The following LDAH variants were observed in gnomAD, a reference collection of about 807,000 sequenced individuals.
The protein encoded by LDAH is lipid droplet associated hydrolase.
Under a neutral mutation model 29.6 loss-of-function variants are expected in LDAH, and 26 were observed. The observed-to-expected ratio is 0.88, with a 90% CI of 0.64 to 1.22. The LOEUF (loss-of-function observed/expected upper bound fraction) is 1.22, where lower values mean the gene tolerates loss of function less well. Ranked by LOEUF, LDAH falls within the 50% of genes most tolerant of loss-of-function variation. LDAH has a pLI of 0.00. For missense variants in LDAH, 344 were observed against 387.3 expected (o/e 0.89, Z 0.94); for synonymous variants, 117 against 133.0 (o/e 0.88, Z 0.83).
intron 1 of LDAH, among the ~76,000 whole-genome samples, chr2:20,806,551 C>T (rs980124642): frequency 3.3e-5 from 5 of 151,820 alleles, no homozygotes; most frequent in African/African-American, 9.7e-5. Flanking sequence ...GCCTAGAAGC[C>T]AACATAAACA....
At chr2:20,739,858 A>G (rs1027481862) in intron 5 of LDAH, 113 bp downstream of exon 5, 6 of 687,324 alleles carry the variant, frequency 8.7e-6, no homozygotes, top group African/African-American at 7.3e-5. Flanking sequence ...TTGGAAGAGG[A>G]AAAAAAAACT....
intron 4 of LDAH, among the ~76,000 whole-genome samples, chr2:20,754,474 G>A (rs1668181481): frequency 8.5e-6 from 1 of 117,272 alleles, no homozygotes; most frequent in African/African-American, 3.5e-5. Context: ...CTGGGTGACA[G>A]AGCAAGACTC....
At chr2:20,815,102 A>G (rs1224426553) in intron 1 of LDAH, among the ~76,000 whole-genome samples, 1 of 152,192 alleles carries the variant, frequency 6.6e-6, no homozygotes, top group African/African-American at 2.4e-5. Context: ...TGTTTTAAAA[A>G]GTAAGAACCA....
chr2:20,789,645 T>C (rs933158615), intron 3 of LDAH, among the ~76,000 whole-genome samples: 1 of 152,078 alleles, frequency 6.6e-6, no homozygotes, highest in African/African-American at 2.4e-5. Flanking sequence ...GTAAAGAACA[T>C]GGTTTATAAA....
chr2:20,763,524 G>A (rs1668826176), intron 4 of LDAH, among the ~76,000 whole-genome samples: 1 of 152,168 alleles, frequency 6.6e-6, no homozygotes, highest in African/African-American at 2.4e-5. Context: ...GAGACATGTT[G>A]GCTTATTCAA....
chr2:20,802,131 C>T (rs1197951026), intron 1 of LDAH, among the ~76,000 whole-genome samples: 1 of 151,894 alleles, frequency 6.6e-6, no homozygotes, highest in Non-Finnish European at 1.5e-5. Flanking sequence ...ATGATCTTGG[C>T]TCACTGCAAA....
intron 4 of LDAH, among the ~76,000 whole-genome samples, chr2:20,754,189 A>G (rs996247858): frequency 6.6e-6 from 1 of 152,126 alleles, no homozygotes; most frequent in Non-Finnish European, 1.5e-5. Flanking sequence ...CATTGCTAAG[A>G]AAAAGTAAAG....
At chr2:20,734,792 T>G (rs2149429967) in intron 5 of LDAH, among the ~76,000 whole-genome samples, 1 of 152,360 alleles carries the variant, frequency 6.6e-6, no homozygotes, top group Non-Finnish European at 1.5e-5. Context: ...TTGAGAGAAC[T>G]TCCTGCAGTT....
intron 4 of LDAH, among the ~76,000 whole-genome samples, chr2:20,764,923 T>C (rs192346421): frequency 6.6e-6 from 1 of 152,334 alleles, no homozygotes; most frequent in East Asian, 1.9e-4. Flanking sequence ...CCTTGTTACA[T>C]GTGAACACGT....
At position 20,685,594 on chromosome 2, in the gene LDAH, T is replaced by G. The variant is rs1009759678; in HGVS notation, c.*1309A>C. On this transcript the variant is annotated 3_prime_UTR_variant, in exon 7 of 7. Transcript: ENST00000237822. ...AGCCAAATCTTTCATCAGGGGGCTT[T>G]AGGATTTGAGCGGAGGGACATCTCA... The G allele has an allele frequency of 1.8e-5, 28 of 1,550,350 alleles. No individual in the cohort carries two copies. In the Admixed American group the frequency reaches 5.5e-4, roughly 30 times the overall value.
chr2:20,763,389 T>G (rs1397449881), intron 4 of LDAH, among the ~76,000 whole-genome samples: 2 of 152,208 alleles, frequency 1.3e-5, no homozygotes, highest in African/African-American at 4.8e-5. Context: ...TTCTCAAACT[T>G]AAGCATGTAC....
At chr2:20,754,315 C>T (rs1300475810) in intron 4 of LDAH, among the ~76,000 whole-genome samples, 2 of 151,254 alleles carry the variant, frequency 1.3e-5, no homozygotes, top group African/African-American at 2.4e-5. Context: ...CGGTGAAACC[C>T]GTCTCTACTA....
intron 4 of LDAH, among the ~76,000 whole-genome samples, chr2:20,768,882 C>T (rs1572588098): frequency 6.6e-6 from 1 of 152,176 alleles, no homozygotes; most frequent in East Asian, 1.9e-4. Flanking sequence ...TTATGCTGCA[C>T]TTTTTCTATC....
At chr2:20,807,748 T>G (rs1189637642) in intron 1 of LDAH, among the ~76,000 whole-genome samples, 1 of 151,870 alleles carries the variant, frequency 6.6e-6, no homozygotes, top group Non-Finnish European at 1.5e-5. Context: ...CAGTAAATGT[T>G]TACTAAGGGT....
intron 4 of LDAH, among the ~76,000 whole-genome samples, chr2:20,745,734 A>G (rs1425685150): frequency 6.6e-6 from 1 of 152,220 alleles, no homozygotes; most frequent in Admixed American, 6.5e-5. Flanking sequence ...TATGTTAATT[A>G]GCTGTAATAC....
Position 20,775,958 on chromosome 2 carries a change from T to C in LDAH, c.299-979A>G, listed in dbSNP as rs112016654. 4.4e-3 allele frequency among the ~76,000 whole-genome samples: 666 copies of C among 152,300 alleles called. 7 individuals are homozygous for C. Among genetic ancestry groups the C allele is most frequent in the African/African-American group, 0.015 (628 of 41,570 alleles). The stretch of plus-strand genomic sequence containing the variant: ...TGAATGAAAACTGGAACTGACTAGA[T>C]GATCTCTGAGGATGCTGGCCACTCT... On this transcript the variant is annotated intron_variant, in intron 3 of 6. Transcript: ENST00000237822.
At chr2:20,747,040 A>AT (rs1667617198) in intron 4 of LDAH, among the ~76,000 whole-genome samples, 1 of 152,060 alleles carries the variant, frequency 6.6e-6, no homozygotes, top group African/African-American at 2.4e-5. Flanking sequence ...TGTTGTAATC[A>AT]TTTTTTAGAA....
chr2:20,720,737 T>C (rs72784344), intron 5 of LDAH, among the ~76,000 whole-genome samples: 35,870 of 152,054 alleles, frequency 0.24, 4,800 homozygotes, highest in East Asian at 0.36. Context: ...CTTTAAATCA[T>C]GCTACAAAGC....
chr2:20,770,867 A>G (rs1485364153), intron 4 of LDAH, among the ~76,000 whole-genome samples: 2 of 152,212 alleles, frequency 1.3e-5, no homozygotes, highest in African/African-American at 4.8e-5. Context: ...AATACTGGCA[A>G]GGGACCTTTC....
Sources: gnomAD v4.1 joint callset for allele counts (sites outside exome capture counted in the v4.1 genomes callset) on GRCh38, gnomAD v4.1.1 for gene constraint, MANE v1.5 for transcripts, NCBI Gene and HGNC (gene_info 2026-07-23, HGNC 2026-07-21) for gene names.